KCNQ5: variants seen among roughly 807,000 people sequenced by gnomAD.
KCNQ5 encodes the protein potassium voltage-gated channel subfamily Q member 5.
Under a neutral mutation model 98.2 loss-of-function variants are expected in KCNQ5, and 30 were observed. That is an observed-to-expected ratio of 0.31 (90% CI 0.23 to 0.41). The LOEUF is 0.41. KCNQ5 is among the 10% of genes least tolerant of loss of function. The pLI, the probability that KCNQ5 is intolerant of heterozygous loss-of-function variation, is 1.00. For synonymous variants in KCNQ5, 458 were observed against 449.4 expected, an observed-to-expected ratio of 1.02 and a Z score of -0.24; for missense variants, 835 against 1,182.5, an observed-to-expected ratio of 0.71 and a Z score of 4.31.
chr6:73,134,155 G>T, intron 10 of KCNQ5: 1 of 289,482 alleles, frequency 3.5e-6, no homozygotes, highest in Non-Finnish European at 7.0e-6. Context: ...GGTTCCTGTT[G>T]AAAGTTATTT....
intron 1 of KCNQ5, among the ~76,000 whole-genome samples, chr6:72,680,808 A>G (rs1237543218): frequency 3.3e-5 from 5 of 152,328 alleles, no homozygotes; most frequent in South Asian, 2.1e-4. Context: ...CTATGAAACT[A>G]AAAGTATAAA....
chr6:72,832,338 G>A (rs1776313463), intron 1 of KCNQ5, among the ~76,000 whole-genome samples: 1 of 152,094 alleles, frequency 6.6e-6, no homozygotes, highest in South Asian at 2.1e-4. Context: ...AGCTTTTACT[G>A]TCCTCCCTGT....
intron 1 of KCNQ5, among the ~76,000 whole-genome samples, chr6:72,738,729 T>C (rs1770977213): frequency 6.6e-6 from 1 of 151,894 alleles, no homozygotes; most frequent in Non-Finnish European, 1.5e-5. Flanking sequence ...GCAAAAAAAA[T>C]AAGGTATCAC....
At chr6:73,082,294 CTA>C in intron 5 of KCNQ5, among the ~76,000 whole-genome samples, 1 of 152,334 alleles carries the variant, frequency 6.6e-6, no homozygotes, top group Non-Finnish European at 1.5e-5. Context: ...AAGGAGAATA[CTA>C]CTCTGCCTAG....
chr6:73,122,761 A>G (rs1775795695), intron 8 of KCNQ5, among the ~76,000 whole-genome samples: 1 of 152,226 alleles, frequency 6.6e-6, no homozygotes, highest in South Asian at 2.1e-4. Flanking sequence ...CCCAAGAAAG[A>G]TAATCAATGC....
chr6:72,939,359 T>C (rs990136182), intron 1 of KCNQ5, among the ~76,000 whole-genome samples: 1 of 152,190 alleles, frequency 6.6e-6, no homozygotes, highest in Non-Finnish European at 1.5e-5. Flanking sequence ...TTCCAGCCCA[T>C]GCGTTCTTTC....
intron 3 of KCNQ5, among the ~76,000 whole-genome samples, chr6:73,044,559 G>A (rs1771876264): frequency 6.6e-6 from 1 of 152,156 alleles, no homozygotes; most frequent in South Asian, 2.1e-4. Flanking sequence ...TGGCTTATCA[G>A]TATGAGGTCA....
intron 1 of KCNQ5, among the ~76,000 whole-genome samples, chr6:72,673,102 T>C (rs1186229009): frequency 6.6e-6 from 1 of 152,146 alleles, no homozygotes; most frequent in Non-Finnish European, 1.5e-5. Flanking sequence ...GGCTGTGGAA[T>C]CCCATTTGTG....
chr6:72,637,141 A>C (rs1402318309), intron 1 of KCNQ5, among the ~76,000 whole-genome samples: 1 of 152,260 alleles, frequency 6.6e-6, no homozygotes, highest in African/African-American at 2.4e-5. Flanking sequence ...ATTTGCTCCA[A>C]AGTATTTTAA....
At position 72,827,085 on chromosome 6, in the gene KCNQ5, A is replaced by C. The variant is rs546328104; in HGVS notation, c.399-176823A>C. On this transcript the variant is annotated intron_variant, in intron 1 of 13. Coordinates refer to ENST00000370398, the MANE Select transcript of KCNQ5 (RefSeq NM_019842.4). ...TCTTTTTATGGCTGAATAGTATTCC[A>C]TTGTGTATGTATGCCACATTTTCTT... is the stretch of plus-strand genomic sequence containing the variant. Among the ~76,000 whole-genome samples, 33 of 152,234 alleles carry C rather than the reference A, an allele frequency of 2.2e-4. No homozygotes were observed. In the South Asian group the frequency reaches 5.0e-3, roughly 23 times the overall value.
chr6:72,975,295 G>GA (rs906809993), intron 1 of KCNQ5, among the ~76,000 whole-genome samples: 74 of 151,426 alleles, frequency 4.9e-4, no homozygotes, highest in African/African-American at 1.6e-3. Context: ...GCAGCAGCAA[G>GA]AAAAAAAACA....
At chr6:72,706,100 A>G (rs949334925) in intron 1 of KCNQ5, among the ~76,000 whole-genome samples, 2 of 152,130 alleles carry the variant, frequency 1.3e-5, no homozygotes, top group Non-Finnish European at 2.9e-5. Context: ...ATTAAGCACT[A>G]TAAAAATGAA....
intron 1 of KCNQ5, among the ~76,000 whole-genome samples, chr6:72,765,698 G>A (rs1772533673): frequency 1.3e-5 from 2 of 151,982 alleles, no homozygotes; most frequent in Non-Finnish European, 2.9e-5. Flanking sequence ...CTATATCACA[G>A]GTAAGCTGTT....
intron 1 of KCNQ5, among the ~76,000 whole-genome samples, chr6:72,765,792 A>G (rs568759257): frequency 6.6e-6 from 1 of 152,150 alleles, no homozygotes; most frequent in East Asian, 1.9e-4. Flanking sequence ...TGTATATAAA[A>G]CATAATGCTC....
Position 73,133,493 on chromosome 6 carries a change from C to T in KCNQ5, c.1320C>T (p.Ala440=), listed in dbSNP as rs755575372. ...GCCAGAGTATTAAGAGCCGACAAGC[C>T]TCAGTAGGTGACAGGAGGTCCCCAA... is the stretch of plus-strand genomic sequence containing the variant. The part of the protein sequence containing the change: ...PRGQSIKSRQ[A]SVGDRRSPST... Residue 440 remains alanine (A), a synonymous_variant, in exon 10 of 14, where the codon GCC becomes GCT. Coordinates refer to ENST00000370398, the MANE Select transcript of KCNQ5 (RefSeq NM_019842.4). 4 of 1,614,154 alleles carry T rather than the reference C, an allele frequency of 2.5e-6. No homozygotes were observed. The South Asian group carries it at 3.3e-5, about 13-fold the overall frequency.
At chr6:72,879,777 G>C (rs1463791776) in intron 1 of KCNQ5, among the ~76,000 whole-genome samples, 1 of 152,018 alleles carries the variant, frequency 6.6e-6, no homozygotes, top group African/African-American at 2.4e-5. Context: ...TTTTTTTAAA[G>C]TCTAATTTAT....
At chr6:72,921,358 A>C (rs1438681217) in intron 1 of KCNQ5, among the ~76,000 whole-genome samples, 1 of 152,188 alleles carries the variant, frequency 6.6e-6, no homozygotes, top group African/African-American at 2.4e-5. Flanking sequence ...CAAGTTTAGA[A>C]AATAATGTGA....
At chr6:73,070,522 G>T (rs553142572) in intron 3 of KCNQ5, among the ~76,000 whole-genome samples, 1 of 152,208 alleles carries the variant, frequency 6.6e-6, no homozygotes, top group South Asian at 2.1e-4. Flanking sequence ...TTGTGTAATA[G>T]TCCAATGAAG....
intron 1 of KCNQ5, among the ~76,000 whole-genome samples, chr6:72,695,785 G>A (rs1349329456): frequency 2.0e-5 from 3 of 152,100 alleles, no homozygotes; most frequent in African/African-American, 7.2e-5. Context: ...CAAGAGCTGG[G>A]CGAGGTGGCT....
Sources: gnomAD v4.1 joint callset for allele counts (sites outside exome capture counted in the v4.1 genomes callset) on GRCh38, gnomAD v4.1.1 for gene constraint, MANE v1.5 for transcripts, NCBI Gene and HGNC (gene_info 2026-07-23, HGNC 2026-07-21) for gene names.